FLOT1: variants seen among roughly 807,000 people sequenced by gnomAD.
FLOT1 encodes the protein flotillin 1.
A neutral mutation model predicts 58.4 loss-of-function variants in FLOT1; 40 were observed. The ratio of observed to expected loss-of-function variants is 0.69; its 90% CI spans 0.53 to 0.89. The LOEUF (loss-of-function observed/expected upper bound fraction) is 0.89. Among genes scored for constraint, FLOT1 ranks in the 40% least tolerant of loss-of-function variants. The probability of loss-of-function intolerance (pLI) is 0.00; values close to 1 mark genes in which losing one functional copy is unlikely to be tolerated. For synonymous variants in FLOT1, 178 were observed against 204.2 expected (o/e 0.87, Z 1.09); for missense variants, 423 against 540.8 (o/e 0.78, Z 2.16).
intron 8 of FLOT1, among the ~76,000 whole-genome samples, chr6:30,733,102 C>A (rs1777315238): frequency 6.6e-6 from 1 of 152,118 alleles, no homozygotes; most frequent in African/African-American, 2.4e-5. Flanking sequence ...GTGACGCAGT[C>A]TTGGCTCACT....
chr6:30,740,307 C>T lies in FLOT1; in HGVS notation c.574G>A (p.Ala192Thr). Residue 192 changes from alanine to threonine, a missense_variant, in exon 8 of 13, where the codon GCT (alanine) becomes ACT (threonine). Physicochemically the swap from Ala to Thr is moderately conservative, Grantham distance 58. Transcript: ENST00000376389. ...EAKRDAGIRE[A>T]KAKQEKVSAQ... ...GACACCTTTTCCTGCTTGGCTTTAG[C>T]TTCCTGTCCAAGCAGAGATCAGGTA... The T allele has an allele frequency of 6.2e-7, 1 of 1,612,988 alleles. No individual in the cohort carries two copies. The highest frequency in any genetic ancestry group is 8.5e-7 in the Non-Finnish European group (1 of 1,180,006).
chr6:30,737,179 G>A lies in FLOT1; in HGVS notation c.723+2979C>T, dbSNP rs1249689474. Among the ~76,000 whole-genome samples the A allele has an allele frequency of 1.4e-5, 2 of 146,148 alleles. No individual in the cohort carries two copies. The highest frequency in any genetic ancestry group is 2.1e-4 in the South Asian group (1 of 4,662). On this transcript the variant is annotated intron_variant, in intron 8 of 12. Coordinates refer to ENST00000376389, the MANE Select transcript of FLOT1 (RefSeq NM_005803.4). This position sits in a 1 kb window ranked among gnomAD's most constrained non-coding sequence, Gnocchi z 4.4. Reference sequence around the variant, plus strand: ...GGTCCCCTGCCTAGCCACAAGCCACGTATGACTGACTGACTGACTGACTGT... The same window carrying A: ...GGTCCCCTGCCTAGCCACAAGCCACATATGACTGACTGACTGACTGACTGT...
At position 30,727,766 on chromosome 6, in the gene FLOT1, G is replaced by A; in HGVS notation, c.*350C>T. 1 of 417,284 alleles carries A rather than the reference G, an allele frequency of 2.4e-6. No individual in the cohort carries two copies. The highest frequency in any genetic ancestry group is 4.4e-6 in the Non-Finnish European group (1 of 228,004). 25.8% of individuals were successfully genotyped at this position (417,284 alleles called of 1,614,324 possible). On this transcript the variant is annotated 3_prime_UTR_variant, in exon 13 of 13. Transcript: ENST00000376389. ...TTACTTACAGCAATTTATTTGGGTA[G>A]CAAAGTTGAAAACCTCCAGCCCATC...
rs1439880972 is a variant in FLOT1, at chr6:30,741,557, C to T, written c.210+57G>A. ...CTGTGGCCAGAAGATGTCTTAATGT[C>T]TGGGAGAGAGGGTGATGGGGAAGTG... is the stretch of plus-strand genomic sequence containing the variant. On this transcript the variant is annotated intron_variant, in intron 4 of 12. Coordinates refer to ENST00000376389, the MANE Select transcript of FLOT1 (RefSeq NM_005803.4). This position sits in a 1 kb window ranked among gnomAD's most constrained non-coding sequence, Gnocchi z 5.9. 6.4e-6 allele frequency: 9 copies of T among 1,402,010 alleles called. No homozygotes were observed. Among genetic ancestry groups the T allele is most frequent in the Admixed American group, 1.7e-5 (1 of 59,638 alleles). 86.8% of individuals were successfully genotyped at this position (1,402,010 alleles called of 1,614,324 possible).
intron 12 of FLOT1, among the ~76,000 whole-genome samples, chr6:30,728,980 G>C (rs1309569336): frequency 6.6e-6 from 1 of 151,400 alleles, no homozygotes; most frequent in East Asian, 2.0e-4. Context: ...GGGTTTCACT[G>C]TGTTAGCCAG....
At position 30,730,455 on chromosome 6, in the gene FLOT1, C is replaced by T; in HGVS notation, c.1062G>A (p.Leu354=). The change falls in exon 11 of 13, where the codon CTG becomes CTA. Residue 354 remains leucine, a synonymous_variant. Coordinates refer to ENST00000376389, the MANE Select transcript of FLOT1 (RefSeq NM_005803.4). ...AFQLYQEAAQ[L]DMLLEKLPQV... is the part of the protein sequence containing the mutation. ...GGGGCAGCTTCTCTAGCAGCATGTC[C>T]AGCTGAGCAGCCTCTTGGTACAGCT... 4 of 1,589,508 alleles carry T rather than the reference C, an allele frequency of 2.5e-6. No homozygotes were observed. The highest frequency in any genetic ancestry group is 3.4e-6 in the Non-Finnish European group (4 of 1,165,422).
chr6:30,732,604 G>A (rs1214976219), intron 8 of FLOT1, among the ~76,000 whole-genome samples: 3 of 151,396 alleles, frequency 2.0e-5, no homozygotes, highest in Non-Finnish European at 4.4e-5. Context: ...CACCTGCCTC[G>A]GCTTCCCAAA....
chr6:30,731,010 T>C lies in FLOT1; in HGVS notation c.814A>G (p.Ile272Val). The change falls in exon 9 of 13, where the codon ATC becomes GTC. Residue 272 changes from isoleucine to valine, a missense_variant. Ile to Val is a conservative substitution (Grantham distance 29). This residue lies in a region of FLOT1 where 106 missense variants were observed against 88.4 expected (regional missense o/e 1.20). Coordinates refer to ENST00000376389, the MANE Select transcript of FLOT1 (RefSeq NM_005803.4). Reference sequence around the variant, plus strand: ...TCCAGCTCCTTCTCCCGCCGGGCGATCTCCTGCTCCTGCACTGCCACCTGC... The same window carrying C: ...TCCAGCTCCTTCTCCCGCCGGGCGACCTCCTGCTCCTGCACTGCCACCTGC... ...AQQVAVQEQE[I>V]ARREKELEAR... is the part of the protein sequence containing the mutation. 1 of 1,613,498 alleles carries C rather than the reference T, an allele frequency of 6.2e-7. No homozygotes were observed. The highest frequency in any genetic ancestry group is 8.5e-7 in the Non-Finnish European group (1 of 1,179,984).
chr6:30,732,060 G>A (rs1420145587), intron 8 of FLOT1, among the ~76,000 whole-genome samples: 1 of 152,136 alleles, frequency 6.6e-6, no homozygotes, highest in Admixed American at 6.5e-5. Flanking sequence ...TCACCTCCCA[G>A]GTTCAAGCTA....
chr6:30,728,334 G>C (rs1009443168), intron 12 of FLOT1, among the ~76,000 whole-genome samples, 189 bp from the exon 13 acceptor site: 2 of 152,186 alleles, frequency 1.3e-5, no homozygotes, highest in South Asian at 4.1e-4. Flanking sequence ...TCACTGAAGA[G>C]AGGAGAGGGG....
Position 30,740,672 on chromosome 6 carries a change from G to C in FLOT1, c.474+7C>G. 6.2e-7 allele frequency: 1 copy of C among 1,612,952 alleles called. No homozygotes were observed. The highest frequency in any genetic ancestry group is 1.1e-5 in the South Asian group (1 of 91,078). ...GAAGTGGGGAAGGATCAATTGCCTAGTTTTACCTGGTCATCGTGAATGTCC... is the reference window on the plus strand; with the variant it reads ...GAAGTGGGGAAGGATCAATTGCCTACTTTTACCTGGTCATCGTGAATGTCC... On this transcript the variant is annotated splice_region_variant and intron_variant, in intron 6 of 12. Transcript: ENST00000376389.
At chr6:30,730,848 G>C (rs936338164) in intron 9 of FLOT1, 71 bp downstream of exon 9, 36 of 1,601,056 alleles carry the variant, frequency 2.2e-5, no homozygotes, top group Middle Eastern at 1.8e-4. Flanking sequence ...AGGTGGTGAA[G>C]GCTTCAGCAC....
chr6:30,740,357 A>G, intron 7 of FLOT1, 47 bp from the exon 8 acceptor site: 1 of 1,609,128 alleles, frequency 6.2e-7, no homozygotes, highest in Non-Finnish European at 8.5e-7. Flanking sequence ...AGGGGGAGAA[A>G]GGCCACGGTG....
At chr6:30,732,513 C>T (rs1019065705) in intron 8 of FLOT1, among the ~76,000 whole-genome samples, 2 of 151,916 alleles carry the variant, frequency 1.3e-5, no homozygotes, top group Non-Finnish European at 2.9e-5. Flanking sequence ...CCAGCACACC[C>T]GGCTATTTTT....
chr6:30,740,496 C>T lies in FLOT1; in HGVS notation c.570G>A (p.Arg190=). Residue 190 remains arginine (R), a splice_region_variant and synonymous_variant, in exon 7 of 13, where the codon CGG becomes CGA. Transcript: ENST00000376389. ...ACTAAGCAACCCCCATCTCTCTCAC[C>T]CGGATCCCAGCATCTCTCTTGGCCT... is the stretch of plus-strand genomic sequence containing the variant. ...EAEAKRDAGI[R]EAKAKQEKVS... The T allele has an allele frequency of 6.2e-7, 1 of 1,612,426 alleles. No homozygotes were observed. The highest frequency in any genetic ancestry group is 1.3e-5 in the African/African-American group (1 of 75,018).
intron 10 of FLOT1, 55 bp downstream of exon 10, chr6:30,730,627 A>T: frequency 6.2e-7 from 1 of 1,613,884 alleles, no homozygotes; most frequent in Admixed American, 1.7e-5. Context: ...ATCCCCGATC[A>T]AGCAGCAACC....
In FLOT1 at chr6:30,740,163, G is replaced by C. The variant is rs1468284661; in HGVS notation, c.718C>G (p.Leu240Val). 6.2e-7 allele frequency: 1 copy of C among 1,612,808 alleles called. No homozygotes were observed. The highest frequency in any genetic ancestry group is 8.5e-7 in the Non-Finnish European group (1 of 1,179,972). The part of the protein sequence containing the change: ...RRAQADLAYQ[L>V]QVAKTKQQIE... ...GGCCTGGCAGTGGCTCTGACCTGAA[G>C]CTGATAGGCCAGGTCAGCCTGTGCT... is the stretch of plus-strand genomic sequence containing the variant. The change falls in exon 8 of 13, where the codon CTT becomes GTT. Residue 240 changes from leucine to valine, a missense_variant. Coordinates refer to ENST00000376389, the MANE Select transcript of FLOT1 (RefSeq NM_005803.4).
chr6:30,728,309 C>T (rs41270533), intron 12 of FLOT1, among the ~76,000 whole-genome samples, 164 bp from the exon 13 acceptor site: 15,392 of 152,062 alleles, frequency 0.1, 1,203 homozygotes, highest in African/African-American at 0.21. Context: ...GACATCAGGA[C>T]CCACATACAA....
intron 8 of FLOT1, among the ~76,000 whole-genome samples, chr6:30,731,893 T>G (rs1777230606): frequency 6.6e-6 from 1 of 152,140 alleles, no homozygotes; most frequent in Non-Finnish European, 1.5e-5. Flanking sequence ...AAGACCAGCT[T>G]CTTGTGTATC....
Sources: gnomAD v4.1 joint callset for allele counts (sites outside exome capture counted in the v4.1 genomes callset) on GRCh38, gnomAD v4.1.1 for gene constraint, gnomAD v4.1.1 regional missense constraint, Gnocchi (gnomAD v3.1) non-coding constraint, MANE v1.5 for transcripts, NCBI Gene and HGNC (gene_info 2026-07-23, HGNC 2026-07-21) for gene names.